PTPRO: variants seen among roughly 807,000 people sequenced by gnomAD.
PTPRO encodes protein tyrosine phosphatase receptor type O, also known as receptor-type tyrosine-protein phosphatase O.
Under a neutral mutation model 145.2 loss-of-function variants are expected in PTPRO, and 62 were observed. The ratio of observed to expected loss-of-function variants is 0.43; its 90% CI spans 0.35 to 0.53. The LOEUF (loss-of-function observed/expected upper bound fraction) is 0.53, where lower values mean the gene tolerates loss of function less well. PTPRO is among the 20% of genes least tolerant of loss of function. The pLI is 0.01. For missense variants in PTPRO, 1,345 were observed against 1,482.7 expected (o/e 0.91, Z 1.53); for synonymous variants, 565 against 514.7 (o/e 1.10, Z -1.32).
chr12:15,439,550 G>A (rs962481934), intron 1 of PTPRO: 8 of 247,050 alleles, frequency 3.2e-5, no homozygotes, highest in Admixed American at 9.8e-5. Flanking sequence ...CTGGTGGAGC[G>A]AGGGGGCCCG....
rs903000930 is a variant in PTPRO at position 15,378,626 on chromosome 12, T to A, written c.75+55825T>A. Reference sequence around the variant, plus strand: ...TTCTACCAAACATTTATGGGAGAAATAAAACCAGTTCTACACACTTTACAC... The same window carrying A: ...TTCTACCAAACATTTATGGGAGAAAAAAAACCAGTTCTACACACTTTACAC... On this transcript the variant is annotated intron_variant, in intron 1 of 26. Transcript: ENST00000281171. Among the ~76,000 whole-genome samples, 4 of 152,056 alleles carry A rather than the reference T, an allele frequency of 2.6e-5. No individual in the cohort carries two copies. The South Asian group carries it at 8.3e-4, about 32-fold the overall frequency.
At chr12:15,340,953 T>A (rs1215516871) in intron 1 of PTPRO, among the ~76,000 whole-genome samples, 1 of 152,234 alleles carries the variant, frequency 6.6e-6, no homozygotes, top group Non-Finnish European at 1.5e-5. Context: ...TTAATACTCT[T>A]ATCTGACAAA....
rs551423624 is a variant in PTPRO, at chr12:15,520,676, C to T, written c.1891+364C>T. ...ATGATGATTATATTTGTTAGAGTGC[C>T]TCCATTTTCTTATTAATTAAGCCAT... On this transcript the variant is annotated intron_variant, in intron 10 of 26. Coordinates refer to ENST00000281171, the MANE Select transcript of PTPRO (RefSeq NM_030667.3). Among the ~76,000 whole-genome samples, 12 of 152,216 alleles carry T rather than the reference C, an allele frequency of 7.9e-5. No homozygotes were observed. The South Asian group carries it at 2.5e-3, about 32-fold the overall frequency.
At chr12:15,377,479 A>G (rs903118698) in intron 1 of PTPRO, among the ~76,000 whole-genome samples, 2 of 152,058 alleles carry the variant, frequency 1.3e-5, no homozygotes, top group Non-Finnish European at 2.9e-5. Context: ...AAAATACACT[A>G]TACAAACAGT....
intron 6 of PTPRO, among the ~76,000 whole-genome samples, chr12:15,507,276 A>G (rs1220743566): frequency 2.0e-5 from 3 of 151,852 alleles, no homozygotes. Flanking sequence ...AGCCAGGCAT[A>G]GTGGTGGGCA....
At chr12:15,372,162 T>C (rs1289960229) in intron 1 of PTPRO, among the ~76,000 whole-genome samples, 1 of 152,202 alleles carries the variant, frequency 6.6e-6, no homozygotes, top group Admixed American at 6.5e-5. Context: ...TGTCAAGCGT[T>C]TGTGGCATAT....
At chr12:15,417,199 A>G (rs1166661154) in intron 1 of PTPRO, among the ~76,000 whole-genome samples, 2 of 151,682 alleles carry the variant, frequency 1.3e-5, no homozygotes, top group Non-Finnish European at 2.9e-5. Flanking sequence ...TACTCAGCTT[A>G]TAATGGACAT....
At chr12:15,354,466 A>C (rs1209149316) in intron 1 of PTPRO, among the ~76,000 whole-genome samples, 1 of 152,194 alleles carries the variant, frequency 6.6e-6, no homozygotes, top group Non-Finnish European at 1.5e-5. Context: ...GTAAGAGTTT[A>C]TTTTGGTGCA....
chr12:15,328,477 T>C (rs751155797), intron 1 of PTPRO, among the ~76,000 whole-genome samples: 11 of 152,206 alleles, frequency 7.2e-5, no homozygotes, highest in Non-Finnish European at 1.3e-4. Flanking sequence ...GGGGATTTCC[T>C]GATAAAAGGT....
intron 1 of PTPRO, among the ~76,000 whole-genome samples, chr12:15,403,874 CTTA>C (rs1939571172): frequency 6.6e-6 from 1 of 151,998 alleles, no homozygotes; most frequent in Non-Finnish European, 1.5e-5. Flanking sequence ...ATCCCATGGT[CTTA>C]TTATTTATTT....
At chr12:15,580,913 A>G (rs1565443778) in intron 22 of PTPRO, 82 bp downstream of exon 22, 5 of 1,543,846 alleles carry the variant, frequency 3.2e-6, no homozygotes, top group Non-Finnish European at 4.5e-6. Context: ...TGCTGTTTTC[A>G]AAGTCAAATA....
At chr12:15,580,226 A>G (rs1944280833) in intron 21 of PTPRO, 111 bp downstream of exon 21, 1 of 833,852 alleles carries the variant, frequency 1.2e-6, no homozygotes, top group Non-Finnish European at 1.9e-6. Flanking sequence ...CCAACCCAGC[A>G]ATTGAATTCT....
At chr12:15,482,165 G>C in intron 1 of PTPRO, among the ~76,000 whole-genome samples, 1 of 145,160 alleles carries the variant, frequency 6.9e-6, no homozygotes, top group Non-Finnish European at 1.5e-5. Context: ...GTGTGTGTGT[G>C]TGTATATATA....
rs1028245808 is a variant in PTPRO at position 15,541,817 on chromosome 12, G to T, written c.2165-4752G>T. On this transcript the variant is annotated intron_variant, in intron 12 of 26. Coordinates refer to ENST00000281171, the MANE Select transcript of PTPRO (RefSeq NM_030667.3). ...ACTTGAGGTGAGGAGTTCGATACCA[G>T]CCTGGCCAACATGGTGAAACCCCGT... Among the ~76,000 whole-genome samples the T allele has an allele frequency of 4.6e-5, 7 of 152,266 alleles. No homozygotes were observed. The East Asian group carries it at 5.8e-4, about 13-fold the overall frequency.
At chr12:15,405,142 G>A (rs1239237620) in intron 1 of PTPRO, among the ~76,000 whole-genome samples, 1 of 152,116 alleles carries the variant, frequency 6.6e-6, no homozygotes, top group Admixed American at 6.5e-5. Context: ...AATTTGGGGT[G>A]ACATAAACAT....
chr12:15,485,340 G>A (rs1386172439), intron 2 of PTPRO, among the ~76,000 whole-genome samples: 1 of 152,040 alleles, frequency 6.6e-6, no homozygotes, highest in Admixed American at 6.6e-5. Flanking sequence ...TGAATTAAAG[G>A]GAGAACTTAC....
intron 1 of PTPRO, among the ~76,000 whole-genome samples, chr12:15,446,699 G>C (rs188262713): frequency 7.3e-5 from 11 of 151,518 alleles, no homozygotes; most frequent in Middle Eastern, 3.4e-3. Flanking sequence ...GAAGTCATAT[G>C]AAAGTTATAA....
intron 2 of PTPRO, among the ~76,000 whole-genome samples, 173 bp from the exon 3 acceptor site, chr12:15,497,072 T>A (rs936496119): frequency 1.3e-5 from 2 of 152,252 alleles, no homozygotes; most frequent in African/African-American, 4.8e-5. Flanking sequence ...TGTACTTTAT[T>A]AATTACTGCT....
At chr12:15,410,027 G>A (rs1038085576) in intron 1 of PTPRO, among the ~76,000 whole-genome samples, 3 of 152,104 alleles carry the variant, frequency 2.0e-5, no homozygotes, top group African/African-American at 7.2e-5. Flanking sequence ...AGAGCCTCAT[G>A]GTAATGATTC....
Sources: allele counts gnomAD v4.1 joint callset (sites outside exome capture counted in the v4.1 genomes callset), GRCh38; gene constraint gnomAD v4.1.1; transcripts MANE v1.5; gene names NCBI Gene and HGNC (gene_info 2026-07-23, HGNC 2026-07-21).